Variants in OPCML observed in about 807,000 individuals in gnomAD.
OPCML encodes the protein opioid binding protein/cell adhesion molecule like, also known as opioid-binding protein/cell adhesion molecule.
Under a neutral mutation model 37.8 loss-of-function variants are expected in OPCML, and 13 were observed. The ratio of observed to expected loss-of-function variants is 0.34; its 90% CI spans 0.22 to 0.55. OPCML has a LOEUF of 0.55. Ranked by LOEUF, OPCML falls within the 20% of genes least tolerant of loss-of-function variation. The pLI is 0.91. For missense variants in OPCML, 341 were observed against 435.6 expected, an observed-to-expected ratio of 0.78 and a Z score of 1.93; for synonymous variants, 176 against 168.8, an observed-to-expected ratio of 1.04 and a Z score of -0.33.
chr11:133,353,835 A>G (rs1211735874), intron 1 of OPCML, among the ~76,000 whole-genome samples: 1 of 152,180 alleles, frequency 6.6e-6, no homozygotes, highest in Non-Finnish European at 1.5e-5. Context: ...TGTTCCATCA[A>G]CTTTCCAGGA....
At chr11:133,294,815 C>CTTTTTTTTTTTTTTTTTTTTTTT (rs59382534) in intron 1 of OPCML, among the ~76,000 whole-genome samples, 4 of 56,548 alleles carry the variant, frequency 7.1e-5, no homozygotes, top group African/African-American at 8.2e-5. Context: ...TTCTTTCTTT[C>CTTTTTTTTTTTTTTTTTTTTTTT]TTTTTTTTTT....
chr11:132,691,050 T>C (rs928329596), intron 2 of OPCML, among the ~76,000 whole-genome samples: 2 of 152,318 alleles, frequency 1.3e-5, no homozygotes, highest in African/African-American at 2.4e-5. Context: ...AGGTGGAAGA[T>C]GCTGTTCTAC....
chr11:132,951,245 A>G (rs1256417620), intron 1 of OPCML, among the ~76,000 whole-genome samples: 9 of 152,202 alleles, frequency 5.9e-5, no homozygotes. Flanking sequence ...ATAACAAAAT[A>G]CTGCAGACTA....
At chr11:132,463,315 T>C (rs1471458855) in intron 4 of OPCML, among the ~76,000 whole-genome samples, 1 of 152,180 alleles carries the variant, frequency 6.6e-6, no homozygotes, top group African/African-American at 2.4e-5. Flanking sequence ...AAGGACATTG[T>C]CACACATTCA....
At chr11:133,042,631 G>T (rs998530685) in intron 1 of OPCML, among the ~76,000 whole-genome samples, 3 of 152,138 alleles carry the variant, frequency 2.0e-5, no homozygotes, top group African/African-American at 7.2e-5. Context: ...GAGCGGTCTA[G>T]GTTAACTATT....
intron 3 of OPCML, among the ~76,000 whole-genome samples, chr11:132,543,406 G>A (rs932826272): frequency 4.6e-5 from 7 of 152,084 alleles, no homozygotes; most frequent in African/African-American, 7.2e-5. Context: ...CTGATTACTC[G>A]GGAGACTGAG....
At chr11:133,530,086 G>C (rs541525412) in intron 1 of OPCML, among the ~76,000 whole-genome samples, 1 of 152,202 alleles carries the variant, frequency 6.6e-6, no homozygotes, top group Admixed American at 6.5e-5. Flanking sequence ...CCCAGAAGAT[G>C]GGGGCAGGGG....
In OPCML at chr11:133,458,221, T is replaced by A. The variant is rs192317734; in HGVS notation, c.61+74043A>T. 2.3e-3 allele frequency among the ~76,000 whole-genome samples: 271 copies of A among 118,408 alleles called. 23 individuals carry two copies. Among genetic ancestry groups the A allele is most frequent in the African/African-American group, 0.014 (239 of 17,298 alleles). The allele number at this position is 118,408 out of a possible 152,430, so 77.7% of individuals were successfully genotyped here. On this transcript the variant is annotated intron_variant, in intron 1 of 7. Transcript: ENST00000524381. Reference sequence around the variant, plus strand: ...ATACACGTGTGTGTATATATACACATATATACACGTGTGTGTATATATACA... The same window carrying A: ...ATACACGTGTGTGTATATATACACAAATATACACGTGTGTGTATATATACA...
chr11:133,323,496 G>C (rs1331366152), intron 1 of OPCML, among the ~76,000 whole-genome samples: 3 of 152,206 alleles, frequency 2.0e-5, no homozygotes, highest in Non-Finnish European at 1.5e-5. Context: ...GAGAAAAGCA[G>C]CTGTCCTGAC....
At position 132,945,395 on chromosome 11, in the gene OPCML, AAC is replaced by A. The variant is rs76203482; in HGVS notation, c.62-2387_62-2386del. On this transcript the variant is annotated intron_variant, in intron 1 of 7. Transcript: ENST00000524381. ...ACAATAGTAAGGATTTGTGTATCTA[AAC>A]ACAGAAAATGTGCAATAAAAATATG... Among the ~76,000 whole-genome samples the A allele has an allele frequency of 5.4e-3, 825 of 152,374 alleles. 16 individuals are homozygous for A. In the East Asian group the frequency reaches 0.088, roughly 16 times the overall value.
intron 1 of OPCML, among the ~76,000 whole-genome samples, chr11:132,971,471 C>T (rs916653614): frequency 3.3e-5 from 5 of 152,186 alleles, no homozygotes; most frequent in African/African-American, 7.2e-5. Flanking sequence ...CAGCTAAGCC[C>T]GTGCGTTCAG....
intron 2 of OPCML, among the ~76,000 whole-genome samples, chr11:132,908,987 G>A (rs1320705806): frequency 6.6e-6 from 1 of 152,170 alleles, no homozygotes; most frequent in Non-Finnish European, 1.5e-5. Context: ...AACCCCGGAA[G>A]AGCGTCGCTC....
At chr11:133,287,849 C>T (rs574516842) in intron 1 of OPCML, among the ~76,000 whole-genome samples, 2 of 152,322 alleles carry the variant, frequency 1.3e-5, no homozygotes, top group East Asian at 3.9e-4. Flanking sequence ...CCCAAGGAGC[C>T]TCTGCAGCCA....
intron 1 of OPCML, among the ~76,000 whole-genome samples, chr11:133,044,968 A>G (rs1458686855): frequency 6.6e-6 from 1 of 152,142 alleles, no homozygotes; most frequent in East Asian, 1.9e-4. Context: ...CTCCTCTCTC[A>G]AGTGCTTTCC....
At chr11:132,629,711 C>T (rs1939976339) in intron 3 of OPCML, among the ~76,000 whole-genome samples, 1 of 152,068 alleles carries the variant, frequency 6.6e-6, no homozygotes, top group Admixed American at 6.6e-5. Context: ...GTTTATGATA[C>T]TCTGTCATCT....
intron 1 of OPCML, among the ~76,000 whole-genome samples, chr11:133,478,927 A>G (rs74847667): frequency 0.033 from 5,076 of 152,148 alleles, 124 homozygotes; most frequent in South Asian, 0.12. Flanking sequence ...ACGCCATCCT[A>G]ATTTCATCCC....
intron 1 of OPCML, among the ~76,000 whole-genome samples, chr11:133,279,726 C>G (rs1454281939): frequency 6.6e-6 from 1 of 152,174 alleles, no homozygotes; most frequent in Non-Finnish European, 1.5e-5. Flanking sequence ...TGTCTTCCCA[C>G]AGCAGGCAGA....
At chr11:133,188,865 A>G (rs1938194111) in intron 1 of OPCML, among the ~76,000 whole-genome samples, 1 of 152,152 alleles carries the variant, frequency 6.6e-6, no homozygotes, top group Admixed American at 6.5e-5. Flanking sequence ...CTTCTCATCC[A>G]GGCCTGAGTT....
chr11:133,493,278 A>G (rs76796050), intron 1 of OPCML, among the ~76,000 whole-genome samples: 2,334 of 152,334 alleles, frequency 0.015, 64 homozygotes, highest in African/African-American at 0.054. Flanking sequence ...CTCAGGGGCC[A>G]CCCAGCACCC....
Sources: gnomAD v4.1 joint callset for allele counts (sites outside exome capture counted in the v4.1 genomes callset) on GRCh38, gnomAD v4.1.1 for gene constraint, MANE v1.5 for transcripts, NCBI Gene and HGNC (gene_info 2026-07-23, HGNC 2026-07-21) for gene names.